DSCAM: variants seen among roughly 807,000 people sequenced by gnomAD.
DSCAM encodes the protein DS cell adhesion molecule.
A neutral mutation model predicts 217.7 loss-of-function variants in DSCAM; 47 were observed. The ratio of observed to expected loss-of-function variants is 0.22; its 90% CI spans 0.17 to 0.28. The LOEUF is 0.28. Among genes scored for constraint, DSCAM ranks in the 10% least tolerant of loss-of-function variants. DSCAM has a pLI of 1.00. For synonymous variants in DSCAM, 1,056 were observed against 1,015.3 expected (o/e 1.04, Z -0.76); for missense variants, 2,080 against 2,618.3 (o/e 0.79, Z 4.49).
chr21:40,083,950 G>A lies in DSCAM; in HGVS notation c.4189C>T (p.Leu1397Phe), dbSNP rs761692107. Residue 1397 changes from leucine (L) to phenylalanine (F), a missense_variant, in exon 24 of 33, where the codon CTT (leucine) becomes TTT (phenylalanine). Leu to Phe is a conservative substitution (Grantham distance 22, BLOSUM62 0). Transcript: ENST00000400454. ...VSKTTSSSIT[L>F]SWLPGDNGGS... ...CCGTTGTCTCCAGGGAGCCAAGAAA[G>A]GGTGATGGAGGAAGACGTGGTCTTG... The A allele has an allele frequency of 1.9e-6, 3 of 1,613,908 alleles. No homozygotes were observed. In the South Asian group the frequency reaches 3.3e-5, roughly 18 times the overall value.
chr21:40,621,984 AGAG>A (rs1267219301), intron 3 of DSCAM, among the ~76,000 whole-genome samples: 1 of 151,438 alleles, frequency 6.6e-6, no homozygotes, highest in Non-Finnish European at 1.5e-5. Context: ...AGGGGAAAAA[AGAG>A]AGAGAGAGAA....
chr21:40,646,212 C>T (rs1305227428), intron 3 of DSCAM, among the ~76,000 whole-genome samples: 4 of 152,150 alleles, frequency 2.6e-5, no homozygotes, highest in Admixed American at 2.0e-4. Context: ...ATCAAGAGAT[C>T]GAGACCATCC....
At chr21:40,476,531 G>C (rs1337989935) in intron 3 of DSCAM, among the ~76,000 whole-genome samples, 2 of 152,184 alleles carry the variant, frequency 1.3e-5, no homozygotes, top group Non-Finnish European at 2.9e-5. Context: ...GTTTAAAATA[G>C]AGTTTGCTCA....
At chr21:40,802,128 G>C (rs2123502777) in intron 1 of DSCAM, among the ~76,000 whole-genome samples, 1 of 152,044 alleles carries the variant, frequency 6.6e-6, no homozygotes, top group Non-Finnish European at 1.5e-5. Flanking sequence ...AAGCCACAGG[G>C]ACAGGACTGC....
chr21:40,832,733 T>C (rs1273425778), intron 1 of DSCAM, among the ~76,000 whole-genome samples: 1 of 152,178 alleles, frequency 6.6e-6, no homozygotes, highest in African/African-American at 2.4e-5. Context: ...GAAAAAGTGA[T>C]AGGGTGCAAG....
At chr21:40,051,883 T>C (rs2088937195) in intron 30 of DSCAM, 75 bp downstream of exon 30, 1 of 1,519,038 alleles carries the variant, frequency 6.6e-7, no homozygotes, top group Non-Finnish European at 8.8e-7. Flanking sequence ...ACATTTTCAT[T>C]TGAGAGAGAA....
chr21:40,835,426 C>T (rs983236988), intron 1 of DSCAM, among the ~76,000 whole-genome samples: 1 of 152,146 alleles, frequency 6.6e-6, no homozygotes, highest in Admixed American at 6.5e-5. Flanking sequence ...GCCCCCACCC[C>T]CTTTTAAAGG....
At chr21:40,453,609 A>T (rs2075739715) in intron 3 of DSCAM, among the ~76,000 whole-genome samples, 1 of 152,246 alleles carries the variant, frequency 6.6e-6, no homozygotes, top group Non-Finnish European at 1.5e-5. Flanking sequence ...CCATCTGAGC[A>T]TTGCTTAGTA....
intron 1 of DSCAM, among the ~76,000 whole-genome samples, chr21:40,719,042 A>G (rs1010110635): frequency 1.3e-5 from 2 of 152,080 alleles, no homozygotes; most frequent in African/African-American, 4.8e-5. Context: ...CTTGAGCCCC[A>G]GAATTGGAAG....
chr21:40,652,801 T>C (rs1255527848), intron 3 of DSCAM, among the ~76,000 whole-genome samples: 2 of 152,204 alleles, frequency 1.3e-5, no homozygotes, highest in African/African-American at 2.4e-5. Flanking sequence ...CCAGGCAAGA[T>C]TGTTTATGCC....
chr21:40,512,828 G>A (rs1273372904), intron 3 of DSCAM, among the ~76,000 whole-genome samples: 1 of 151,388 alleles, frequency 6.6e-6, no homozygotes, highest in East Asian at 2.0e-4. Context: ...AGAACTGCAG[G>A]GGAGGGAAGG....
At chr21:40,159,802 C>T (rs1351356948) in intron 16 of DSCAM, among the ~76,000 whole-genome samples, 1 of 152,156 alleles carries the variant, frequency 6.6e-6, no homozygotes, top group Admixed American at 6.5e-5. Flanking sequence ...AGGCTGGTCT[C>T]GAACTCGTGA....
chr21:40,806,159 G>A (rs549718828), intron 1 of DSCAM, among the ~76,000 whole-genome samples: 3 of 152,278 alleles, frequency 2.0e-5, no homozygotes, highest in Admixed American at 2.0e-4. Context: ...TTCTCACTAT[G>A]AGGCTGGCCC....
At chr21:40,536,522 C>T (rs938429825) in intron 3 of DSCAM, among the ~76,000 whole-genome samples, 1 of 151,984 alleles carries the variant, frequency 6.6e-6, no homozygotes, top group African/African-American at 2.4e-5. Context: ...CTGCCTCAGC[C>T]TCCCTAGTAG....
chr21:40,819,100 G>C (rs1208181714), intron 1 of DSCAM, among the ~76,000 whole-genome samples: 1 of 152,154 alleles, frequency 6.6e-6, no homozygotes, highest in Admixed American at 6.5e-5. Flanking sequence ...CTGGGGCCCA[G>C]GGCTATTTGC....
intron 3 of DSCAM, among the ~76,000 whole-genome samples, chr21:40,533,089 A>G (rs561263022): frequency 1.1e-4 from 17 of 152,322 alleles, no homozygotes; most frequent in African/African-American, 4.1e-4. Flanking sequence ...TTTCACTTGC[A>G]GTTAGTCAGC....
chr21:40,255,186 C>T (rs1451778440), intron 11 of DSCAM, among the ~76,000 whole-genome samples: 1 of 152,112 alleles, frequency 6.6e-6, no homozygotes, highest in East Asian at 1.9e-4. Flanking sequence ...CATTGAGTAC[C>T]TGCTGTGTAT....
intron 3 of DSCAM, among the ~76,000 whole-genome samples, chr21:40,669,661 C>T (rs1341104799): frequency 6.6e-6 from 1 of 151,744 alleles, no homozygotes; most frequent in Non-Finnish European, 1.5e-5. Flanking sequence ...TCACTGCAAC[C>T]TCCATCTCCC....
Position 40,708,704 on chromosome 21 carries a change from G to A in DSCAM, c.111C>T (p.Ala37=), listed in dbSNP as rs2090744431. The change falls in exon 2 of 33, where the codon GCC becomes GCT. Residue 37 remains alanine (A), a synonymous_variant. Transcript: ENST00000400454. ...AGGGCACCAGAGTCCCCGTGGTGCT[G>A]GCAAACACTACCTCTTGCAGAGATG... ...VNASLQEVVF[A]STTGTLVPCP... 6.2e-7 allele frequency: 1 copy of A among 1,611,452 alleles called. No homozygotes were observed. Among genetic ancestry groups the A allele is most frequent in the African/African-American group, 1.3e-5 (1 of 74,898 alleles).
Sources: allele counts gnomAD v4.1 joint callset (sites outside exome capture counted in the v4.1 genomes callset), GRCh38; gene constraint gnomAD v4.1.1; transcripts MANE v1.5; gene names NCBI Gene and HGNC (gene_info 2026-07-23, HGNC 2026-07-21).